NOL10: variants seen among roughly 807,000 people sequenced by gnomAD.
NOL10 encodes the protein H_NH0074G24.1.
A neutral mutation model predicts 103.5 loss-of-function variants in NOL10; 58 were observed. The observed-to-expected ratio is 0.56, with a 90% CI of 0.45 to 0.70. The LOEUF (loss-of-function observed/expected upper bound fraction) is 0.70, where lower values mean the gene tolerates loss of function less well. NOL10 is among the 30% of genes least tolerant of loss of function. The probability of loss-of-function intolerance (pLI) is 0.00; values close to 1 mark genes in which losing one functional copy is unlikely to be tolerated. For synonymous variants in NOL10, 287 were observed against 282.5 expected, an observed-to-expected ratio of 1.02 and a Z score of -0.16; for missense variants, 763 against 807.3, an observed-to-expected ratio of 0.95 and a Z score of 0.67.
In NOL10 at chr2:10,667,222, A is replaced by G; in HGVS notation, c.587T>C (p.Ile196Thr). The change falls in exon 8 of 21, where the codon ATA (isoleucine) becomes ACA (threonine). Residue 196 changes from isoleucine to threonine, a missense_variant. Physicochemically the swap from Ile to Thr is moderately conservative, Grantham distance 89. Coordinates refer to ENST00000381685, the MANE Select transcript of NOL10 (RefSeq NM_024894.4). ...ATAAAGTCAACATATGCTTACCTCT[A>G]TGGTTCCTGTGGCAAACAAGCCATG... ...SVHGLFATGT[I>T]EGRVECWDPR... is the part of the protein sequence containing the mutation. 1 of 1,580,236 alleles carries G rather than the reference A, an allele frequency of 6.3e-7. No individual in the cohort carries two copies. Among genetic ancestry groups the G allele is most frequent in the Non-Finnish European group, 8.6e-7 (1 of 1,160,886 alleles).
chr2:10,638,300 A>AACGTGACGTGACGTG (rs147968545), intron 13 of NOL10, among the ~76,000 whole-genome samples: 26 of 87,188 alleles, frequency 3.0e-4, no homozygotes, highest in Non-Finnish European at 5.4e-4. Context: ...AAAATAACGT[A>AACGTGACGTGACGTG]ACGTGACGTG....
At chr2:10,598,253 G>A (rs1451433819) in intron 17 of NOL10, among the ~76,000 whole-genome samples, 2 of 152,228 alleles carry the variant, frequency 1.3e-5, no homozygotes, top group African/African-American at 2.4e-5. Context: ...ATCAGGCGGT[G>A]TGATGCACCG....
chr2:10,585,767 TTACTTATA>T (rs1674994576), intron 19 of NOL10, among the ~76,000 whole-genome samples: 1 of 152,248 alleles, frequency 6.6e-6, no homozygotes, highest in Non-Finnish European at 1.5e-5. Flanking sequence ...TATCTGTAGA[TTACTTATA>T]ATACCTAATA....
At chr2:10,600,229 C>G (rs542874349) in intron 17 of NOL10, among the ~76,000 whole-genome samples, 2 of 152,314 alleles carry the variant, frequency 1.3e-5, no homozygotes, top group South Asian at 2.1e-4. Flanking sequence ...CTAGAAAAAT[C>G]TCACCTCTGG....
chr2:10,609,191 C>A (rs777770876), intron 13 of NOL10, among the ~76,000 whole-genome samples: 5 of 151,680 alleles, frequency 3.3e-5, no homozygotes, highest in Admixed American at 1.3e-4. Context: ...CACGCACATA[C>A]ACACACAATG....
chr2:10,619,552 T>C (rs1371718425), intron 13 of NOL10, among the ~76,000 whole-genome samples: 2 of 152,192 alleles, frequency 1.3e-5, no homozygotes, highest in African/African-American at 4.8e-5. Context: ...CAAAACTGGA[T>C]CTAACTTATT....
chr2:10,689,909 G>A lies in NOL10; in HGVS notation c.-48C>T, dbSNP rs751248262. 27 of 1,550,566 alleles carry A rather than the reference G, an allele frequency of 1.7e-5. No individual in the cohort carries two copies. The East Asian group carries it at 2.4e-4, about 14-fold the overall frequency. On this transcript the variant is annotated 5_prime_UTR_variant, in exon 1 of 21. Transcript: ENST00000381685. The stretch of plus-strand genomic sequence containing the variant: ...GTCCCGGGTCCTTTCCCACCAGCGT[G>A]CTCGAGCACCGTAATCCCGGGACCT...
At chr2:10,600,724 T>C (rs1204368507) in intron 17 of NOL10, 129 bp downstream of exon 17, 5 of 638,598 alleles carry the variant, frequency 7.8e-6, no homozygotes, top group African/African-American at 7.5e-5. Context: ...ATCTTAAGCA[T>C]ATACTAATCT....
chr2:10,652,754 T>A (rs1415170169), intron 12 of NOL10, among the ~76,000 whole-genome samples: 1 of 152,120 alleles, frequency 6.6e-6, no homozygotes, highest in African/African-American at 2.4e-5. Context: ...TCCCACCACT[T>A]CTGGGATAAT....
At chr2:10,603,972 T>C (rs930344379) in intron 14 of NOL10, among the ~76,000 whole-genome samples, 3 of 152,232 alleles carry the variant, frequency 2.0e-5, no homozygotes, top group African/African-American at 4.8e-5. Context: ...GGGACTGGTT[T>C]TGTAGAAGAC....
rs1010532491 is a variant in NOL10, at chr2:10,675,437, T to C, written c.289+357A>G. Among the ~76,000 whole-genome samples, 5 of 152,022 alleles carry C rather than the reference T, an allele frequency of 3.3e-5. No homozygotes were observed. The East Asian group carries it at 9.6e-4, about 29-fold the overall frequency. On this transcript the variant is annotated intron_variant, in intron 4 of 20. Coordinates refer to ENST00000381685, the MANE Select transcript of NOL10 (RefSeq NM_024894.4). ...TATTTGGAAGCAAATTCTTTTTTAT[T>C]TTTTATTATTTTGGGGGTTTGGGGG... is the stretch of plus-strand genomic sequence containing the variant.
intron 13 of NOL10, among the ~76,000 whole-genome samples, chr2:10,628,065 C>G (rs929237811): frequency 2.0e-5 from 3 of 152,112 alleles, no homozygotes; most frequent in African/African-American, 4.8e-5. Context: ...ACAGCTCTTC[C>G]CACACCCTCA....
intron 13 of NOL10, among the ~76,000 whole-genome samples, chr2:10,636,827 G>A (rs986177045): frequency 2.0e-5 from 3 of 152,110 alleles, no homozygotes; most frequent in Non-Finnish European, 1.5e-5. Context: ...ACATAGTCAT[G>A]GAGTTTAGAA....
At chr2:10,651,754 C>G (rs10187650) in intron 12 of NOL10, among the ~76,000 whole-genome samples, 1 of 152,142 alleles carries the variant, frequency 6.6e-6, no homozygotes, top group African/African-American at 2.4e-5. Context: ...CCTACTTAAC[C>G]GAGACCCTGG....
chr2:10,606,733 T>C (rs1676283216), intron 14 of NOL10, among the ~76,000 whole-genome samples: 1 of 152,222 alleles, frequency 6.6e-6, no homozygotes, highest in Admixed American at 6.5e-5. Flanking sequence ...AAGGTTCTTC[T>C]ACATCTGAAG....
At chr2:10,588,977 T>C in intron 19 of NOL10, 66 bp downstream of exon 19, 8 of 1,580,398 alleles carry the variant, frequency 5.1e-6, no homozygotes, top group Non-Finnish European at 5.1e-6. Flanking sequence ...TTTAGGGCAA[T>C]GTGCCAGAGA....
intron 13 of NOL10, among the ~76,000 whole-genome samples, chr2:10,633,312 TC>T (rs1677961130): frequency 6.6e-6 from 1 of 152,120 alleles, no homozygotes; most frequent in Admixed American, 6.6e-5. Flanking sequence ...GATTCTCCAC[TC>T]CTGAGTAGTT....
At chr2:10,606,309 T>C (rs1472478722) in intron 14 of NOL10, among the ~76,000 whole-genome samples, 1 of 151,638 alleles carries the variant, frequency 6.6e-6, no homozygotes, top group Non-Finnish European at 1.5e-5. Context: ...ATTAAATGAG[T>C]TACATGTAGA....
intron 13 of NOL10, among the ~76,000 whole-genome samples, chr2:10,621,663 G>A (rs999086125): frequency 2.0e-5 from 3 of 152,268 alleles, no homozygotes; most frequent in South Asian, 4.1e-4. Context: ...GCACAGTAAG[G>A]TCGACAGATA....
Sources: allele counts gnomAD v4.1 joint callset (sites outside exome capture counted in the v4.1 genomes callset), GRCh38; gene constraint gnomAD v4.1.1; transcripts MANE v1.5; gene names NCBI Gene and HGNC (gene_info 2026-07-23, HGNC 2026-07-21).